Variants in EPHB1 observed in about 807,000 individuals in gnomAD.
EPHB1 encodes ephrin type-B receptor 1.
EPHB1 carries 30 observed loss-of-function variants against 94.4 expected under a neutral mutation model. The ratio of observed to expected loss-of-function variants is 0.32; its 90% CI spans 0.24 to 0.43. The LOEUF (loss-of-function observed/expected upper bound fraction) is 0.43, where lower values mean the gene tolerates loss of function less well. EPHB1 is among the 20% of genes least tolerant of loss of function. The probability of loss-of-function intolerance (pLI) is 1.00; values close to 1 mark genes in which losing one functional copy is unlikely to be tolerated. For missense variants in EPHB1, 1,055 were observed against 1,308.3 expected (o/e 0.81, Z 2.99); for synonymous variants, 522 against 489.1 (o/e 1.07, Z -0.89).
intron 3 of EPHB1, among the ~76,000 whole-genome samples, chr3:134,963,492 G>A (rs1933610242): frequency 6.6e-6 from 1 of 152,094 alleles, no homozygotes; most frequent in Non-Finnish European, 1.5e-5. Flanking sequence ...TCCATCTTGT[G>A]TCGAAATGCT....
chr3:134,980,748 T>A (rs1397769536), intron 3 of EPHB1, among the ~76,000 whole-genome samples: 2 of 152,188 alleles, frequency 1.3e-5, no homozygotes, highest in Non-Finnish European at 2.9e-5. Flanking sequence ...AAGGCATGTG[T>A]GTCTTCATGT....
intron 3 of EPHB1, among the ~76,000 whole-genome samples, chr3:134,970,425 C>T (rs1933922659): frequency 6.6e-6 from 1 of 152,204 alleles, no homozygotes; most frequent in Non-Finnish European, 1.5e-5. Flanking sequence ...CCTACCCTGT[C>T]CACTGCTCCC....
chr3:134,803,475 A>T (rs190242623), intron 1 of EPHB1, among the ~76,000 whole-genome samples: 1 of 152,286 alleles, frequency 6.6e-6, no homozygotes, highest in East Asian at 1.9e-4. Flanking sequence ...TTGTCTGCAC[A>T]GTCTTGACAT....
chr3:135,064,122 G>A (rs1163897880), intron 3 of EPHB1, among the ~76,000 whole-genome samples: 3 of 152,008 alleles, frequency 2.0e-5, no homozygotes, highest in Non-Finnish European at 4.4e-5. Flanking sequence ...ATTTTAGCAT[G>A]TATGTTCATC....
chr3:135,255,429 T>C (rs1365173126), intron 15 of EPHB1, among the ~76,000 whole-genome samples: 1 of 135,648 alleles, frequency 7.4e-6, no homozygotes, highest in African/African-American at 2.8e-5. Context: ...TTTGTTTCCG[T>C]TGGTTTCAAA....
At chr3:134,898,611 G>A (rs762282342) in intron 1 of EPHB1, among the ~76,000 whole-genome samples, 7 of 152,198 alleles carry the variant, frequency 4.6e-5, no homozygotes, top group Non-Finnish European at 8.8e-5. Context: ...TAGTCTGGAA[G>A]CAATTTTGTG....
At chr3:135,223,900 T>C (rs534980443) in intron 12 of EPHB1, among the ~76,000 whole-genome samples, 1 of 152,378 alleles carries the variant, frequency 6.6e-6, no homozygotes, top group Admixed American at 6.5e-5. Flanking sequence ...GGATCAAGTA[T>C]TGCATTTAGT....
At chr3:134,821,086 A>C (rs1222073667) in intron 1 of EPHB1, among the ~76,000 whole-genome samples, 1 of 152,214 alleles carries the variant, frequency 6.6e-6, no homozygotes, top group African/African-American at 2.4e-5. Flanking sequence ...CTAAAGACCC[A>C]GGAAGAGCCA....
rs192096308 is a variant in EPHB1 at position 135,096,908 on chromosome 3, T to C, written c.806-9540T>C. ...GTCGGGAGATCGAGACCATCCTGGC[T>C]AACACGGTGAAACCCCGTCTCTACT... is the stretch of plus-strand genomic sequence containing the variant. On this transcript the variant is annotated intron_variant, in intron 3 of 15. Coordinates refer to ENST00000398015, the MANE Select transcript of EPHB1 (RefSeq NM_004441.5). Among the ~76,000 whole-genome samples, 172 of 152,096 alleles carry C rather than the reference T, an allele frequency of 1.1e-3. 1 individual carries two copies. Among genetic ancestry groups the C allele is most frequent in the Admixed American group, 3.5e-3 (53 of 15,272 alleles).
intron 1 of EPHB1, among the ~76,000 whole-genome samples, chr3:134,877,997 AG>A (rs1267134945): frequency 6.6e-6 from 1 of 152,168 alleles, no homozygotes; most frequent in Non-Finnish European, 1.5e-5. Context: ...GGCTGAGGGA[AG>A]GGTGGCTCCT....
intron 12 of EPHB1, among the ~76,000 whole-genome samples, chr3:135,218,635 C>A (rs1355859956): frequency 6.6e-6 from 1 of 152,236 alleles, no homozygotes; most frequent in African/African-American, 2.4e-5. Flanking sequence ...CACCTGGGTG[C>A]AGGCCCATGC....
At chr3:135,168,145 G>A (rs996142994) in intron 9 of EPHB1, among the ~76,000 whole-genome samples, 1 of 152,232 alleles carries the variant, frequency 6.6e-6, no homozygotes, top group Non-Finnish European at 1.5e-5. Context: ...CATAGATGTG[G>A]CTTCCAATCT....
At chr3:134,998,544 T>G (rs1022195311) in intron 3 of EPHB1, among the ~76,000 whole-genome samples, 1 of 152,206 alleles carries the variant, frequency 6.6e-6, no homozygotes, top group Admixed American at 6.5e-5. Flanking sequence ...ATACCACCCA[T>G]TCTGACACTG....
chr3:135,048,224 C>CTTTTTTTTTTTT (rs71157318), intron 3 of EPHB1, among the ~76,000 whole-genome samples: 1 of 109,020 alleles, frequency 9.2e-6, no homozygotes, highest in African/African-American at 3.5e-5. Context: ...AAAAAATACT[C>CTTTTTTTTTTTT]TTTTTTTTTT....
chr3:134,798,279 G>A (rs2035869256), intron 1 of EPHB1, among the ~76,000 whole-genome samples: 1 of 152,212 alleles, frequency 6.6e-6, no homozygotes, highest in Admixed American at 6.5e-5. Flanking sequence ...TCATGGGCCA[G>A]GTAAGGAGAT....
At chr3:135,173,324 G>A (rs1449725510) in intron 9 of EPHB1, among the ~76,000 whole-genome samples, 5 of 152,240 alleles carry the variant, frequency 3.3e-5, no homozygotes, top group East Asian at 3.9e-4. Flanking sequence ...GTGAGCCACC[G>A]CGCCCGGCCT....
intron 12 of EPHB1, among the ~76,000 whole-genome samples, chr3:135,202,451 C>T (rs1345996846): frequency 3.3e-5 from 5 of 152,176 alleles, no homozygotes; most frequent in African/African-American, 9.6e-5. Context: ...ATCCCTCTTT[C>T]CATCTCTACT....
intron 3 of EPHB1, among the ~76,000 whole-genome samples, chr3:135,081,540 C>T (rs1189496322): frequency 1.3e-5 from 2 of 152,164 alleles, no homozygotes; most frequent in African/African-American, 4.8e-5. Context: ...ATAGAAAAAA[C>T]CTGGAGGTTA....
At chr3:134,974,616 C>A (rs551584657) in intron 3 of EPHB1, among the ~76,000 whole-genome samples, 98 of 150,748 alleles carry the variant, frequency 6.5e-4, no homozygotes, top group Admixed American at 1.7e-3. Context: ...TCTCATCAAC[C>A]CTTCTTCAAG....
Sources: allele counts gnomAD v4.1 joint callset (sites outside exome capture counted in the v4.1 genomes callset), GRCh38; gene constraint gnomAD v4.1.1; transcripts MANE v1.5; gene names NCBI Gene and HGNC (gene_info 2026-07-23, HGNC 2026-07-21).